The following SEMA3B variants were observed in gnomAD, a reference collection of about 807,000 sequenced individuals.
SEMA3B encodes semaphorin-3B.
Under a neutral mutation model 77.8 loss-of-function variants are expected in SEMA3B, and 71 were observed. The ratio of observed to expected loss-of-function variants is 0.91; its 90% confidence interval spans 0.75 to 1.11. The LOEUF (loss-of-function observed/expected upper bound fraction) is 1.11. Among genes scored for constraint, SEMA3B ranks in the 50% most tolerant of loss-of-function variants. The probability of loss-of-function intolerance (pLI) is 0.00; values close to 1 mark genes in which losing one functional copy is unlikely to be tolerated. For missense variants in SEMA3B, 968 were observed against 1,056.8 expected, an observed-to-expected ratio of 0.92 and a Z score of 1.17; for synonymous variants, 470 against 452.9, an observed-to-expected ratio of 1.04 and a Z score of -0.48.
At chr3:50,262,596 T>A (rs1476216614), upstream of SEMA3B, 2 of 152,324 alleles carry the variant, frequency 1.3e-5, no homozygotes, top group Non-Finnish European at 2.9e-5. Context: ...CAGCCCTCAG[T>A]CACACGGTGA....
rs1297067255 is a variant in SEMA3B, at chr3:50,270,690, C to A, written c.330+195C>A. ...TGGGGTGCCTCTGAGTCATGGGAGG[C>A]TTTGCAGGCCTGTGCTTCCCCAGAC... On this transcript the variant is annotated intron_variant, in intron 3 of 16. Transcript: ENST00000616701. This position sits in a 1 kb window ranked among gnomAD's most constrained non-coding sequence, Gnocchi z 4.7. 1.3e-5 allele frequency: 15 copies of A among 1,155,624 alleles called. No homozygotes were observed. Among genetic ancestry groups the A allele is most frequent in the Non-Finnish European group, 1.6e-5 (13 of 830,922 alleles). 71.6% of individuals were successfully genotyped at this position (1,155,624 alleles called of 1,614,324 possible). A position where few individuals can be genotyped will look rare whatever the true frequency, so the allele number is the denominator to read the frequency against.
Position 50,275,861 on chromosome 3 carries a change from C to T in SEMA3B, c.1845+17C>T. 1 of 1,567,352 alleles carries T rather than the reference C, an allele frequency of 6.4e-7. No individual in the cohort carries two copies. The highest frequency in any genetic ancestry group is 8.6e-7 in the Non-Finnish European group (1 of 1,160,584). On this transcript the variant is annotated intron_variant, in intron 16 of 16. Transcript: ENST00000616701. The surrounding 1 kb of genome is among the most constrained non-coding windows in gnomAD (Gnocchi z 7.5). ...CACACCCAGGTGAGCCTTACTCCGC[C>T]CTCCCCGCCAGGCTCCTGTCCCACC... is the stretch of plus-strand genomic sequence containing the variant.
Position 50,276,517 on chromosome 3 carries a change from C to G in SEMA3B, c.2061C>G (p.Leu687=). Residue 687 remains leucine (L), a synonymous_variant, in exon 17 of 17, where the codon CTC becomes CTG. Transcript: ENST00000616701. The surrounding 1 kb of genome is among the most constrained non-coding windows in gnomAD (Gnocchi z 5.8). ...AAPAAPPGPK[L]WYRDFLQLVE... ...CCGCCGCGCCGCCGGGCCCCAAACT[C>G]TGGTACCGGGACTTTCTGCAGCTGG... 2 of 1,534,174 alleles carry G rather than the reference C, an allele frequency of 1.3e-6. No homozygotes were observed. Among genetic ancestry groups the G allele is most frequent in the Non-Finnish European group, 8.7e-7 (1 of 1,144,998 alleles).
Position 50,275,987 on chromosome 3 carries a change from G to A in SEMA3B, c.1845+143G>A. The A allele has an allele frequency of 8.7e-7, 1 of 1,154,152 alleles. No homozygotes were observed. Among genetic ancestry groups the A allele is most frequent in the Non-Finnish European group, 1.2e-6 (1 of 846,166 alleles). The allele number at this position is 1,154,152 out of a possible 1,614,324, so 71.5% of individuals were successfully genotyped here. The stretch of plus-strand genomic sequence containing the variant: ...TTGGTCCCTCACCTGCACTCCACAA[G>A]CTGCTGAGGCCCCATTGCGTCCAAC... On this transcript the variant is annotated intron_variant, in intron 16 of 16. Coordinates refer to ENST00000616701, the MANE Select transcript of SEMA3B (RefSeq NM_001290060.2). This position sits in a 1 kb window ranked among gnomAD's most constrained non-coding sequence, Gnocchi z 7.5.
At chr3:50,272,403 T>C (rs1701076294) in intron 6 of SEMA3B, among the ~76,000 whole-genome samples, 1 of 150,930 alleles carries the variant, frequency 6.6e-6, no homozygotes, top group South Asian at 2.1e-4. Context: ...GGTGAAACCC[T>C]GTCTCTACTA....
Position 50,275,451 on chromosome 3 carries a change from T to C in SEMA3B, c.1641T>C (p.Ser547=), listed in dbSNP as rs1161681590. 3 of 1,606,886 alleles carry C rather than the reference T, an allele frequency of 1.9e-6. No homozygotes were observed. The highest frequency in any genetic ancestry group is 1.1e-5 in the South Asian group (1 of 90,696). The change falls in exon 14 of 17, where the codon AGT becomes AGC. Residue 547 remains serine (S), a synonymous_variant. Transcript: ENST00000616701. The surrounding 1 kb of genome is among the most constrained non-coding windows in gnomAD (Gnocchi z 7.5). The part of the protein sequence containing the change: ...DGVACTRFQP[S]AKRRFRRQDV... ...TCGCGTGCACGCGCTTCCAGCCCAG[T>C]GCCAAGAGGTGGGCGGGGTCGGGGT... is the stretch of plus-strand genomic sequence containing the variant.
chr3:50,260,516 C>G, the SEMA3B span: 1 of 152,348 alleles, frequency 6.6e-6, no homozygotes, highest in Admixed American at 6.5e-5. Context: ...GCTGCCCCTG[C>G]CTGCGAGGGC....
chr3:50,266,553 T>G (rs1452790484), upstream of SEMA3B: 1 of 152,218 alleles, frequency 6.6e-6, no homozygotes, highest in African/African-American at 2.4e-5. Flanking sequence ...GCAACAGAAC[T>G]GCAACACTTG....
chr3:50,263,784 G>A (rs1300169571), upstream of SEMA3B, among the ~76,000 whole-genome samples: 8 of 152,046 alleles, frequency 5.3e-5, no homozygotes, highest in Admixed American at 4.6e-4. Flanking sequence ...ACTTGGGAAG[G>A]GAGAAGACTG....
In SEMA3B at chr3:50,270,168, C is replaced by A; in HGVS notation, c.151C>A (p.Arg51=). 1 of 1,579,046 alleles carries A rather than the reference C, an allele frequency of 6.3e-7. No individual in the cohort carries two copies. Among genetic ancestry groups the A allele is most frequent in the Non-Finnish European group, 8.6e-7 (1 of 1,164,176 alleles). The change falls in exon 2 of 17, where the codon CGA becomes AGA. Residue 51 remains arginine, a synonymous_variant. Transcript: ENST00000616701. This position sits in a 1 kb window ranked among gnomAD's most constrained non-coding sequence, Gnocchi z 4.7. The part of the protein sequence containing the change: ...WHGLQTFSLE[R]TCCYQALLVD... The stretch of plus-strand genomic sequence containing the variant: ...TGGTCTCCAGACTTTCAGCCTGGAG[C>A]GAACCTGCTGCTACCAGGCCTTGCT...
In SEMA3B at chr3:50,270,214, G is replaced by A. The variant is rs200715175; in HGVS notation, c.197G>A (p.Arg66His). 8.6e-5 allele frequency: 138 copies of A among 1,610,278 alleles called. 1 individual carries two copies. Among genetic ancestry groups the A allele is most frequent in the Admixed American group, 3.2e-4 (19 of 59,570 alleles). Residue 66 changes from arginine (R) to histidine (H), a missense_variant, in exon 2 of 17, where the codon CGC becomes CAC. Physicochemically the swap from Arg to His is conservative, Grantham distance 29. Transcript: ENST00000616701. The surrounding 1 kb of genome is among the most constrained non-coding windows in gnomAD (Gnocchi z 4.7). The part of the protein sequence containing the change: ...QALLVDEERG[R>H]LFVGAENHVA... The stretch of plus-strand genomic sequence containing the variant: ...TTGCTGGTGGATGAGGAGCGTGGAC[G>A]CCTGTTTGTGGGTGCCGAGAACCAT...
Position 50,274,431 on chromosome 3 carries a change from G to A in SEMA3B, c.1206G>A (p.Ala402=). 5 of 1,517,782 alleles carry A rather than the reference G, an allele frequency of 3.3e-6. No homozygotes were observed. The highest frequency in any genetic ancestry group is 1.3e-5 in the South Asian group (1 of 75,196). 94.0% of individuals were successfully genotyped at this position (1,517,782 alleles called of 1,614,324 possible). The change falls in exon 11 of 17, where the codon GCG becomes GCA. Residue 402 remains alanine, a synonymous_variant. Transcript: ENST00000616701. The surrounding 1 kb of genome is among the most constrained non-coding windows in gnomAD (Gnocchi z 4.7). ...KDFPDDVIQF[A]RNHPLMYNSV... ...TCCCAGACGATGTCATCCAGTTTGC[G>A]CGGAACCACCCCCTCATGTACAACT... is the stretch of plus-strand genomic sequence containing the variant.
chr3:50,274,461 C>T lies in SEMA3B; in HGVS notation c.1236C>T (p.Val412=), dbSNP rs1553706104. The T allele has an allele frequency of 6.5e-7, 1 of 1,548,852 alleles. No individual in the cohort carries two copies. Among genetic ancestry groups the T allele is most frequent in the Non-Finnish European group, 8.7e-7 (1 of 1,149,740 alleles). ...ARNHPLMYNS[V]LPTGGRPLFL... ...ACCACCCCCTCATGTACAACTCTGT[C>T]CTGCCCACTGGGGGGCGCCCTCTTT... The change falls in exon 11 of 17, where the codon GTC becomes GTT. Residue 412 remains valine, a synonymous_variant. Coordinates refer to ENST00000616701, the MANE Select transcript of SEMA3B (RefSeq NM_001290060.2). The surrounding 1 kb of genome is among the most constrained non-coding windows in gnomAD (Gnocchi z 4.7).
Position 50,269,223 on chromosome 3 carries a change from G to C in SEMA3B, c.-18G>C, listed in dbSNP as rs1251701628. 1.3e-6 allele frequency: 2 copies of C among 1,523,940 alleles called. No individual in the cohort carries two copies. Among genetic ancestry groups the C allele is most frequent in the Non-Finnish European group, 1.8e-6 (2 of 1,135,652 alleles). The allele number at this position is 1,523,940 out of a possible 1,614,324, so 94.4% of individuals were successfully genotyped here. ...CACACACACACCCGCTGAACCCTGA[G>C]CACCCTGAGCTGCTGAGATGGGGCG... On this transcript the variant is annotated 5_prime_UTR_variant, in exon 1 of 17. Coordinates refer to ENST00000616701, the MANE Select transcript of SEMA3B (RefSeq NM_001290060.2). The surrounding 1 kb of genome is among the most constrained non-coding windows in gnomAD (Gnocchi z 4.0).
In SEMA3B at chr3:50,275,656, G is replaced by GC; in HGVS notation, c.1705+45dup. ...GCCCCTACCCTCAGCCCCAGAAGAC[G>GC]CCCCACCTGCCCTGCCTTGCCTAAA... is the stretch of plus-strand genomic sequence containing the variant. On this transcript the variant is annotated intron_variant, in intron 15 of 16. Coordinates refer to ENST00000616701, the MANE Select transcript of SEMA3B (RefSeq NM_001290060.2). The surrounding 1 kb of genome is among the most constrained non-coding windows in gnomAD (Gnocchi z 7.5). 1.9e-6 allele frequency: 3 copies of GC among 1,613,280 alleles called. No individual in the cohort carries two copies. Among genetic ancestry groups the GC allele is most frequent in the Admixed American group, 1.7e-5 (1 of 60,002 alleles).
At position 50,275,077 on chromosome 3, in the gene SEMA3B, G is replaced by C. The variant is rs782155497; in HGVS notation, c.1491+24G>C. ...GGGTGAGTGACCAGGATGGGGGTCG[G>C]GGTGGGATGGACTGAGCTTGTGCCT... is the stretch of plus-strand genomic sequence containing the variant. On this transcript the variant is annotated intron_variant, in intron 13 of 16. Coordinates refer to ENST00000616701, the MANE Select transcript of SEMA3B (RefSeq NM_001290060.2). This position sits in a 1 kb window ranked among gnomAD's most constrained non-coding sequence, Gnocchi z 7.5. 3 of 1,564,966 alleles carry C rather than the reference G, an allele frequency of 1.9e-6. No homozygotes were observed. Among genetic ancestry groups the C allele is most frequent in the Non-Finnish European group, 2.6e-6 (3 of 1,151,566 alleles).
Position 50,276,473 on chromosome 3 carries a change from C to G in SEMA3B, c.2017C>G (p.Arg673Gly), listed in dbSNP as rs2109252225. ...TGCTACGCAGGCCGAACGACTGGCG[C>G]GGGCCGAGGAGGCTGCGCCCGCCGC... is the stretch of plus-strand genomic sequence containing the variant. ...LSATQAERLA[R>G]AEEAAPAAPP... The change falls in exon 17 of 17, where the codon CGG becomes GGG. Residue 673 changes from arginine to glycine, a missense_variant. Physicochemically the swap from Arg to Gly is moderately radical, Grantham distance 125. Transcript: ENST00000616701. The surrounding 1 kb of genome is among the most constrained non-coding windows in gnomAD (Gnocchi z 5.8). 6.5e-7 allele frequency: 1 copy of G among 1,531,422 alleles called. No homozygotes were observed. Among genetic ancestry groups the G allele is most frequent in the Non-Finnish European group, 8.7e-7 (1 of 1,143,580 alleles). The allele number at this position is 1,531,422 out of a possible 1,614,324, so 94.9% of individuals were successfully genotyped here.
upstream of SEMA3B, among the ~76,000 whole-genome samples, chr3:50,266,026 CG>C (rs36018346): frequency 2.6e-5 from 4 of 151,698 alleles, no homozygotes; most frequent in South Asian, 2.1e-4. Context: ...ATGGCGGTGG[CG>C]GGGGGGTTTC....
chr3:50,275,983 A>G lies in SEMA3B; in HGVS notation c.1845+139A>G, dbSNP rs1575475444. On this transcript the variant is annotated intron_variant, in intron 16 of 16. Transcript: ENST00000616701. This position sits in a 1 kb window ranked among gnomAD's most constrained non-coding sequence, Gnocchi z 7.5. ...CAGTTTGGTCCCTCACCTGCACTCC[A>G]CAAGCTGCTGAGGCCCCATTGCGTC... The G allele has an allele frequency of 1.7e-6, 2 of 1,178,508 alleles. No individual in the cohort carries two copies. The highest frequency in any genetic ancestry group is 5.3e-5 in the East Asian group (2 of 37,930). 73.0% of individuals were successfully genotyped at this position (1,178,508 alleles called of 1,614,324 possible).
Sources: gnomAD v4.1 joint callset for allele counts (sites outside exome capture counted in the v4.1 genomes callset) on GRCh38, gnomAD v4.1.1 for gene constraint, Gnocchi (gnomAD v3.1) non-coding constraint, MANE v1.5 for transcripts, NCBI Gene and HGNC (gene_info 2026-07-23, HGNC 2026-07-21) for gene names.